Variants in ZBTB8B observed in about 807,000 individuals in gnomAD.
The protein encoded by ZBTB8B is zinc finger and BTB domain containing 8B, also known as zinc finger and BTB domain-containing protein 8B.
A neutral mutation model predicts 30.3 loss-of-function variants in ZBTB8B; 17 were observed. The observed-to-expected ratio is 0.56, with a 90% CI of 0.38 to 0.84. ZBTB8B has a LOEUF of 0.84. Ranked by LOEUF, ZBTB8B falls within the 40% of genes least tolerant of loss-of-function variation. The pLI, the probability that ZBTB8B is intolerant of heterozygous loss-of-function variation, is 0.00. For missense variants in ZBTB8B, 515 were observed against 644.9 expected (o/e 0.80, Z 2.18); for synonymous variants, 248 against 255.6 (o/e 0.97, Z 0.28).
rs552717176 is a variant in ZBTB8B, at chr1:32,495,874, C to T, written c.*10456C>T. Reference sequence around the variant, plus strand: ...TCCAGCGTGGGCAACAGAATGAGACCCTGTCTCAAAAAAAAAGGTTTTTTT... The same window carrying T: ...TCCAGCGTGGGCAACAGAATGAGACTCTGTCTCAAAAAAAAAGGTTTTTTT... On this transcript the variant is annotated 3_prime_UTR_variant, in exon 4 of 4. Transcript: ENST00000609129. 6.6e-6 allele frequency: 1 copy of T among 151,826 alleles called. No homozygotes were observed. Among genetic ancestry groups the T allele is most frequent in the Non-Finnish European group, 1.5e-5 (1 of 67,928 alleles). 9.4% of individuals were successfully genotyped at this position (151,826 alleles called of 1,614,324 possible). A position where few individuals can be genotyped will look rare whatever the true frequency, so the allele number is the denominator to read the frequency against.
chr1:32,487,171 T>C lies in ZBTB8B; in HGVS notation c.*1753T>C, dbSNP rs1270448424. ...TTGAACAACAAAAAAGTCAAAAACA[T>C]TATAAATTGGCTTGTAAATGTTAGC... On this transcript the variant is annotated 3_prime_UTR_variant, in exon 4 of 4. Coordinates refer to ENST00000609129, the MANE Select transcript of ZBTB8B (RefSeq NM_001145720.2). The C allele has an allele frequency of 3.3e-5, 5 of 152,306 alleles. No homozygotes were observed. Among genetic ancestry groups the C allele is most frequent in the African/African-American group, 1.2e-4 (5 of 41,572 alleles). The allele number at this position is 152,306 out of a possible 1,614,324, so 9.4% of individuals were successfully genotyped here.
rs1643751255 is a variant in ZBTB8B, at chr1:32,487,045, T to C, written c.*1627T>C. The C allele has an allele frequency of 6.6e-6, 1 of 152,266 alleles. No individual in the cohort carries two copies. Among genetic ancestry groups the C allele is most frequent in the Non-Finnish European group, 1.5e-5 (1 of 68,042 alleles). The allele number at this position is 152,266 out of a possible 1,614,324, so 9.4% of individuals were successfully genotyped here. A position where few individuals can be genotyped will look rare whatever the true frequency, so the allele number is the denominator to read the frequency against. Reference sequence around the variant, plus strand: ...AGGCAATTTCCATAATTTTGTCTTATGTTAAAATATCCAAAATGGATTTTA... The same window carrying C: ...AGGCAATTTCCATAATTTTGTCTTACGTTAAAATATCCAAAATGGATTTTA... On this transcript the variant is annotated 3_prime_UTR_variant, in exon 4 of 4. Coordinates refer to ENST00000609129, the MANE Select transcript of ZBTB8B (RefSeq NM_001145720.2).
chr1:32,472,536 AG>A lies in ZBTB8B; in HGVS notation c.991+922del, dbSNP rs545538506. Among the ~76,000 whole-genome samples, 61 of 152,336 alleles carry A rather than the reference AG, an allele frequency of 4.0e-4. No homozygotes were observed. In the East Asian group the frequency reaches 0.011, roughly 27 times the overall value. On this transcript the variant is annotated intron_variant, in intron 2 of 3. Coordinates refer to ENST00000609129, the MANE Select transcript of ZBTB8B (RefSeq NM_001145720.2). Reference sequence around the variant, plus strand: ...CCAGAGATTTATACTTCTCTGTGTCAGCCAAGGTGCTTGTCAGAGACTAGGC... The same window carrying A: ...CCAGAGATTTATACTTCTCTGTGTCACCAAGGTGCTTGTCAGAGACTAGGC...
chr1:32,478,010 CTG>C (rs968996745), intron 2 of ZBTB8B, among the ~76,000 whole-genome samples: 2 of 149,198 alleles, frequency 1.3e-5, no homozygotes, highest in African/African-American at 2.5e-5. Flanking sequence ...TGAGCCGAGA[CTG>C]TGCCATTGTA....
rs1643755602 is a variant in ZBTB8B at position 32,487,728 on chromosome 1, G to GGCA, written c.*2310_*2311insGCA. The GGCA allele has an allele frequency of 6.6e-6, 1 of 151,902 alleles. No homozygotes were observed. The highest frequency in any genetic ancestry group is 1.5e-5 in the Non-Finnish European group (1 of 68,028). 9.4% of individuals were successfully genotyped at this position (151,902 alleles called of 1,614,324 possible). On this transcript the variant is annotated 3_prime_UTR_variant, in exon 4 of 4. Transcript: ENST00000609129. ...GTGGTGGCATGTGCCTGTAATCCCAGCTACTCAGGAGGCTGTGGCGAGAGG... is the reference window on the plus strand; with the variant it reads ...GTGGTGGCATGTGCCTGTAATCCCAGGCACTACTCAGGAGGCTGTGGCGAGAGG...
chr1:32,494,183 C>CAAAAAAAAAAAAAA lies in ZBTB8B; in HGVS notation c.*8776_*8789dup, dbSNP rs917865954. ...GGGCAACGAGAGCAAAACTCCATCT[C>CAAAAAAAAAAAAAA]AAAAAAAAAAAAAAAAAAAAAAAAG... On this transcript the variant is annotated 3_prime_UTR_variant, in exon 4 of 4. Coordinates refer to ENST00000609129, the MANE Select transcript of ZBTB8B (RefSeq NM_001145720.2). 6.2e-5 allele frequency: 3 copies of CAAAAAAAAAAAAAA among 48,006 alleles called. No individual in the cohort carries two copies. The highest frequency in any genetic ancestry group is 1.1e-3 in the South Asian group (1 of 904). The allele number at this position is 48,006 out of a possible 1,614,324, so 3.0% of individuals were successfully genotyped here.
rs1213108657 is a variant in ZBTB8B at position 32,481,072 on chromosome 1, A to G, written c.1170+3A>G. 5 of 1,548,064 alleles carry G rather than the reference A, an allele frequency of 3.2e-6. No individual in the cohort carries two copies. In the South Asian group the frequency reaches 4.8e-5, roughly 15 times the overall value. The stretch of plus-strand genomic sequence containing the variant: ...ACCTGCGGAGCCACGCACTGAGTGT[A>G]AGTGTTCGAGCTGGCCATGCCCTTG... On this transcript the variant is annotated splice_donor_region_variant and intron_variant, in intron 3 of 3. Transcript: ENST00000609129.
At chr1:32,478,072 T>C (rs943141055) in intron 2 of ZBTB8B, among the ~76,000 whole-genome samples, 1 of 151,336 alleles carries the variant, frequency 6.6e-6, no homozygotes, top group African/African-American at 2.4e-5. Flanking sequence ...AAAAAAAAAT[T>C]AGCTGCACAT....
Position 32,485,232 on chromosome 1 carries a change from T to G in ZBTB8B, c.1302T>G (p.Asp434Glu), listed in dbSNP as rs1643736112. 6.4e-7 allele frequency: 1 copy of G among 1,552,018 alleles called. No individual in the cohort carries two copies. The highest frequency in any genetic ancestry group is 8.7e-7 in the Non-Finnish European group (1 of 1,147,070). ...GCGTTACAGACACACCCGATGATGA[T>G]GATGATTTGATGCCCATCAACCTTA... ...CTCVTDTPDD[D>E]DDLMPINLSL... The change falls in exon 4 of 4, where the codon GAT (aspartate) becomes GAG (glutamate). Residue 434 changes from aspartate to glutamate, a missense_variant. Around this residue, in one of 3 missense-constraint regions of ZBTB8B, gnomAD observed 429 missense variants for 504.3 expected, o/e 0.85. Coordinates refer to ENST00000609129, the MANE Select transcript of ZBTB8B (RefSeq NM_001145720.2).
chr1:32,481,143 G>A (rs982994464), intron 3 of ZBTB8B, 74 bp downstream of exon 3: 56 of 1,362,868 alleles, frequency 4.1e-5, no homozygotes, highest in Non-Finnish European at 5.4e-5. Context: ...GGTGAAGCCA[G>A]CCTGTCTTTC....
rs934295170 is a variant in ZBTB8B, at chr1:32,495,521, T to C, written c.*10103T>C. On this transcript the variant is annotated 3_prime_UTR_variant, in exon 4 of 4. Transcript: ENST00000609129. ...TTGTTTTGATTTATATACAGTCAGATTGAAACACCCTAGTTACAAGTTTAG... is the reference window on the plus strand; with the variant it reads ...TTGTTTTGATTTATATACAGTCAGACTGAAACACCCTAGTTACAAGTTTAG... 2 of 152,180 alleles carry C rather than the reference T, an allele frequency of 1.3e-5. No homozygotes were observed. The highest frequency in any genetic ancestry group is 4.1e-4 in the South Asian group (2 of 4,832). The allele number at this position is 152,180 out of a possible 1,614,324, so 9.4% of individuals were successfully genotyped here.
Position 32,470,822 on chromosome 1 carries a change from C to T in ZBTB8B, c.198C>T (p.Ala66=). The change falls in exon 2 of 4, where the codon GCC becomes GCT. Residue 66 remains alanine (A), a synonymous_variant. Coordinates refer to ENST00000609129, the MANE Select transcript of ZBTB8B (RefSeq NM_001145720.2). ...AGGACAGCGGGCGGCATAGCACCGC[C>T]TCCTTGGACATTGTCACCTCTGATG... ...YIQDSGRHST[A]SLDIVTSDAF... is the part of the protein sequence containing the mutation. The T allele has an allele frequency of 6.4e-7, 1 of 1,551,888 alleles. No individual in the cohort carries two copies. The highest frequency in any genetic ancestry group is 8.7e-7 in the Non-Finnish European group (1 of 1,147,034).
At position 32,489,573 on chromosome 1, in the gene ZBTB8B, T is replaced by A. The variant is rs1222293944; in HGVS notation, c.*4155T>A. The A allele has an allele frequency of 1.3e-5, 2 of 152,182 alleles. No individual in the cohort carries two copies. Among genetic ancestry groups the A allele is most frequent in the African/African-American group, 4.8e-5 (2 of 41,450 alleles). The allele number at this position is 152,182 out of a possible 1,614,324, so 9.4% of individuals were successfully genotyped here. On this transcript the variant is annotated 3_prime_UTR_variant, in exon 4 of 4. Coordinates refer to ENST00000609129, the MANE Select transcript of ZBTB8B (RefSeq NM_001145720.2). ...ATTTGTGGGGTTGGTGGTATTTTTA[T>A]ACTAAGTAAATTTACAGTTGAGCCC...
At chr1:32,481,668 A>G (rs1643705832) in intron 3 of ZBTB8B, among the ~76,000 whole-genome samples, 1 of 152,044 alleles carries the variant, frequency 6.6e-6, no homozygotes, top group African/African-American at 2.4e-5. Context: ...GGTAAACGAG[A>G]AGGTTTGTTA....
intron 2 of ZBTB8B, among the ~76,000 whole-genome samples, chr1:32,472,191 T>C (rs1209996089): frequency 2.0e-5 from 3 of 152,246 alleles, no homozygotes; most frequent in Non-Finnish European, 4.4e-5. Flanking sequence ...CATTATTTCT[T>C]CATGTATGTT....
chr1:32,470,617 G>A lies in ZBTB8B; in HGVS notation c.-8G>A. 2 of 1,543,090 alleles carry A rather than the reference G, an allele frequency of 1.3e-6. No individual in the cohort carries two copies. Among genetic ancestry groups the A allele is most frequent in the South Asian group, 1.2e-5 (1 of 83,602 alleles). ...GTTTGCTCTGGAGCAGCAGCAGCTG[G>A]CGGAGCAATGGAGATGCAATCCTAT... On this transcript the variant is annotated 5_prime_UTR_variant, in exon 2 of 4. Coordinates refer to ENST00000609129, the MANE Select transcript of ZBTB8B (RefSeq NM_001145720.2).
intron 2 of ZBTB8B, among the ~76,000 whole-genome samples, chr1:32,474,410 T>C (rs189966264): frequency 4.2e-4 from 57 of 135,128 alleles, no homozygotes; most frequent in African/African-American, 1.6e-3. Context: ...CGTCATTGCA[T>C]GTACCCATAG....
rs909943366 is a variant in ZBTB8B at position 32,471,565 on chromosome 1, C to G, written c.941C>G (p.Ala314Gly). 2 of 1,551,754 alleles carry G rather than the reference C, an allele frequency of 1.3e-6. No individual in the cohort carries two copies. The highest frequency in any genetic ancestry group is 1.7e-6 in the Non-Finnish European group (2 of 1,146,992). ...GGAAGACCAGAAGGTGCAGGAGTAG[C>G]CATGAGTTCCATGATGGATGTCCAG... ...LEGRPEGAGVAMSSMMDVQAD... is the reference protein window; with the variant it reads ...LEGRPEGAGVGMSSMMDVQAD... The change falls in exon 2 of 4, where the codon GCC becomes GGC. Residue 314 changes from alanine to glycine, a missense_variant. Physicochemically the swap from Ala to Gly is moderately conservative, Grantham distance 60 (BLOSUM62 0). Coordinates refer to ENST00000609129, the MANE Select transcript of ZBTB8B (RefSeq NM_001145720.2).
rs147669455 is a variant in ZBTB8B, at chr1:32,471,497, G to A, written c.873G>A (p.Pro291=). 3.5e-4 allele frequency: 537 copies of A among 1,551,816 alleles called. 4 individuals carry two copies. The African/African-American group carries it at 6.0e-3, about 17-fold the overall frequency. Residue 291 remains proline, a synonymous_variant, in exon 2 of 4, where the codon CCG becomes CCA. Transcript: ENST00000609129. Reference sequence around the variant, plus strand: ...CGCTCTTGCGCAACAGCGCTGCCCCGAGCAAGGATGATGCAGACCATCACT... The same window carrying A: ...CGCTCTTGCGCAACAGCGCTGCCCCAAGCAAGGATGATGCAGACCATCACT... ...LEALLRNSAA[P]SKDDADHHFS...
Sources: gnomAD v4.1 joint callset for allele counts (sites outside exome capture counted in the v4.1 genomes callset) on GRCh38, gnomAD v4.1.1 for gene constraint, gnomAD v4.1.1 regional missense constraint, MANE v1.5 for transcripts, NCBI Gene and HGNC (gene_info 2026-07-23, HGNC 2026-07-21) for gene names.